PPHLN1: variants seen among roughly 807,000 people sequenced by gnomAD.
PPHLN1 encodes periphilin-1.
Under a neutral mutation model 51.3 loss-of-function variants are expected in PPHLN1, and 29 were observed. That is an observed-to-expected ratio of 0.57 (90% CI 0.42 to 0.77). The LOEUF is 0.77. PPHLN1 is among the 30% of genes least tolerant of loss of function. PPHLN1 has a pLI of 0.00. For missense variants in PPHLN1, 436 were observed against 438.4 expected, an observed-to-expected ratio of 0.99 and a Z score of 0.05; for synonymous variants, 147 against 147.8, an observed-to-expected ratio of 0.99 and a Z score of 0.04.
At chr12:42,399,782 G>A (rs1197869246) in intron 9 of PPHLN1, 1 of 152,160 alleles carries the variant, frequency 6.6e-6, no homozygotes, top group Non-Finnish European at 1.5e-5. Flanking sequence ...AATGTGAAAA[G>A]ATAAGAACCA....
intron 9 of PPHLN1, chr12:42,399,453 C>T (rs1038776976): frequency 1.0e-4 from 96 of 922,876 alleles, no homozygotes; most frequent in Non-Finnish European, 1.0e-4. Flanking sequence ...TTCTGAAAAG[C>T]AGGACTTTGT....
intron 4 of PPHLN1, 56 bp downstream of exon 4, chr12:42,355,278 C>G: frequency 6.9e-7 from 1 of 1,450,630 alleles, no homozygotes. Context: ...ACTGTGATGT[C>G]TGCTTTGGAA....
chr12:42,366,531 GT>G (rs879088738), intron 4 of PPHLN1, among the ~76,000 whole-genome samples: 1 of 149,402 alleles, frequency 6.7e-6, no homozygotes, highest in Non-Finnish European at 1.5e-5. Flanking sequence ...GGCCTTTCTT[GT>G]TTTTTTTTGT....
At chr12:42,413,962 G>A (rs894862537) in intron 9 of PPHLN1, among the ~76,000 whole-genome samples, 2 of 151,880 alleles carry the variant, frequency 1.3e-5, no homozygotes, top group Non-Finnish European at 2.9e-5. Flanking sequence ...GGTCTTTTTT[G>A]GTTCCATATG....
At chr12:42,415,871 T>A (rs189093381) in intron 9 of PPHLN1, among the ~76,000 whole-genome samples, 1 of 152,374 alleles carries the variant, frequency 6.6e-6, no homozygotes, top group East Asian at 1.9e-4. Flanking sequence ...ATGCTAGAAG[T>A]GGTAGAACTG....
At chr12:42,358,643 C>T (rs1020698124) in intron 4 of PPHLN1, among the ~76,000 whole-genome samples, 5 of 152,172 alleles carry the variant, frequency 3.3e-5, no homozygotes, top group African/African-American at 7.2e-5. Context: ...TGGGCTCAAG[C>T]GATCCTCCTG....
At chr12:42,420,502 T>G (rs1478492328) in intron 9 of PPHLN1, among the ~76,000 whole-genome samples, 1 of 151,590 alleles carries the variant, frequency 6.6e-6, no homozygotes, top group African/African-American at 2.4e-5. Context: ...GGAGTCTCAC[T>G]TTCTTGCGCA....
At chr12:42,334,448 T>C (rs3810790) in intron 1 of PPHLN1, among the ~76,000 whole-genome samples, 24,736 of 152,096 alleles carry the variant, frequency 0.16, 2,064 homozygotes, top group Admixed American at 0.2. Flanking sequence ...GCTATAATAA[T>C]ATCAAGAAAA....
At chr12:42,369,088 G>A (rs1009383016) in intron 4 of PPHLN1, among the ~76,000 whole-genome samples, 2 of 152,116 alleles carry the variant, frequency 1.3e-5, no homozygotes, top group Admixed American at 6.5e-5. Context: ...TATGTTATCC[G>A]TGGCTGCTGT....
chr12:42,411,174 A>C (rs1247225137), intron 9 of PPHLN1, among the ~76,000 whole-genome samples: 1 of 151,264 alleles, frequency 6.6e-6, no homozygotes, highest in Non-Finnish European at 1.5e-5. Flanking sequence ...TTTCTTTCAT[A>C]TCTTGTGAAA....
At chr12:42,446,863 T>A (rs2083347350), downstream of PPHLN1, 3 of 435,272 alleles carry the variant, frequency 6.9e-6, no homozygotes, top group Admixed American at 7.2e-5. Context: ...AGCAAGGGAG[T>A]GTAAAGGAAT....
At chr12:42,340,167 G>T (rs933704735) in intron 2 of PPHLN1, among the ~76,000 whole-genome samples, 1 of 151,848 alleles carries the variant, frequency 6.6e-6, no homozygotes, top group African/African-American at 2.4e-5. Flanking sequence ...AATTAGCCAT[G>T]CATAGTAGCG....
intron 6 of PPHLN1, among the ~76,000 whole-genome samples, chr12:42,385,769 G>A (rs151170591): frequency 5.9e-5 from 9 of 152,094 alleles, no homozygotes; most frequent in South Asian, 2.1e-4. Context: ...TCTGATTTTC[G>A]AGTGCCTACC....
intron 5 of PPHLN1, among the ~76,000 whole-genome samples, chr12:42,383,087 G>T (rs1267446306): frequency 6.6e-6 from 1 of 152,190 alleles, no homozygotes; most frequent in African/African-American, 2.4e-5. Context: ...TTGTTAAATA[G>T]TCCAAGCCTA....
intron 5 of PPHLN1, among the ~76,000 whole-genome samples, chr12:42,379,712 A>C (rs1198198632): frequency 6.6e-6 from 1 of 151,986 alleles, no homozygotes; most frequent in Non-Finnish European, 1.5e-5. Flanking sequence ...TAGTTAATGC[A>C]TTGAAAAAAA....
chr12:42,431,046 A>G (rs545192452), intron 9 of PPHLN1, among the ~76,000 whole-genome samples: 12 of 152,248 alleles, frequency 7.9e-5, no homozygotes, highest in Non-Finnish European at 1.8e-4. Flanking sequence ...ATTTTTAAAT[A>G]CTGTACACTT....
In PPHLN1 at chr12:42,398,858, G is replaced by T; in HGVS notation, c.773G>T (p.Gly258Val). Residue 258 changes from glycine to valine, a missense_variant, in exon 9 of 10, where the codon GGA becomes GTA. Transcript: ENST00000358314. Reference protein sequence around the residue: ...NLPEISEYEAGSTAPLFTDQP... With the variant: ...NLPEISEYEAVSTAPLFTDQP... ...GATTTCTAATTCCTTTTCAAGGCGG[G>T]ATCCACAGCACCATTGTTTACTGAC... 3 of 1,612,098 alleles carry T rather than the reference G, an allele frequency of 1.9e-6. No individual in the cohort carries two copies. The African/African-American group carries it at 4.0e-5, about 22-fold the overall frequency.
intron 9 of PPHLN1, among the ~76,000 whole-genome samples, chr12:42,440,726 C>T (rs1039022988): frequency 4.6e-5 from 7 of 152,164 alleles, no homozygotes; most frequent in Admixed American, 2.0e-4. Flanking sequence ...TACAGACACG[C>T]GCCACCGCGC....
chr12:42,433,547 TCTC>T (rs1426840310), intron 9 of PPHLN1, among the ~76,000 whole-genome samples: 1 of 152,132 alleles, frequency 6.6e-6, no homozygotes, highest in African/African-American at 2.4e-5. Flanking sequence ...ATGGTCTCGA[TCTC>T]CTGACCTCGT....
Sources: allele counts gnomAD v4.1 joint callset (sites outside exome capture counted in the v4.1 genomes callset), GRCh38; gene constraint gnomAD v4.1.1; transcripts MANE v1.5; gene names NCBI Gene and HGNC (gene_info 2026-07-23, HGNC 2026-07-21).